The following ZFP1 variants were observed in gnomAD, a reference collection of about 807,000 sequenced individuals.
ZFP1 encodes zinc finger protein 1 homolog.
Under a neutral mutation model 38.5 loss-of-function variants are expected in ZFP1, and 32 were observed. The ratio of observed to expected loss-of-function variants is 0.83; its 90% confidence interval spans 0.63 to 1.12. The LOEUF is 1.12. Among genes scored for constraint, ZFP1 ranks in the 50% most tolerant of loss-of-function variants. The pLI is 0.00. For synonymous variants in ZFP1, 245 were observed against 168.8 expected (o/e 1.45, Z -3.50); for missense variants, 616 against 480.8 (o/e 1.28, Z -2.63).
chr16:75,147,635 T>C (rs1451995615), upstream of ZFP1, among the ~76,000 whole-genome samples: 1 of 152,038 alleles, frequency 6.6e-6, no homozygotes, highest in Non-Finnish European at 1.5e-5. Flanking sequence ...AAATACACTG[T>C]TCTGGTGTGG....
the ZFP1 span, among the ~76,000 whole-genome samples, chr16:75,120,897 T>A: frequency 6.6e-6 from 1 of 152,154 alleles, no homozygotes; most frequent in Non-Finnish European, 1.5e-5. Context: ...AGTGCTGGGA[T>A]TACAGGCATA....
At position 75,169,287 on chromosome 16, in the gene ZFP1, C is replaced by G; in HGVS notation, c.177C>G (p.Asp59Glu). ...AGGCTGATGACCAGATGGAGAGAGA[C>G]CACAGAAACCCAGACGAGCAGGCGA... is the stretch of plus-strand genomic sequence containing the variant. ...VWKADDQMER[D>E]HRNPDEQARQ... Residue 59 changes from aspartate to glutamate, a missense_variant, in exon 4 of 4, where the codon GAC becomes GAG. Coordinates refer to ENST00000570010, the MANE Select transcript of ZFP1 (RefSeq NM_153688.4). 6.2e-7 allele frequency: 1 copy of G among 1,613,478 alleles called. No homozygotes were observed. Among genetic ancestry groups the G allele is most frequent in the South Asian group, 1.1e-5 (1 of 91,008 alleles).
chr16:75,130,781 A>G, the ZFP1 span, among the ~76,000 whole-genome samples: 3,851 of 150,562 alleles, frequency 0.026, 59 homozygotes, highest in Middle Eastern at 0.042. Context: ...TAATACTCAC[A>G]TGAGTAAATC....
chr16:75,135,355 G>A, the ZFP1 span, among the ~76,000 whole-genome samples: 8 of 150,700 alleles, frequency 5.3e-5, no homozygotes, highest in African/African-American at 2.4e-5. Flanking sequence ...AAATAACACA[G>A]AGGAACCTTA....
At chr16:75,164,108 G>A (rs1472106744) in intron 2 of ZFP1, among the ~76,000 whole-genome samples, 3 of 152,170 alleles carry the variant, frequency 2.0e-5, no homozygotes, top group Non-Finnish European at 1.5e-5. Context: ...TGTTCCTGTG[G>A]ACAGCTTCCT....
chr16:75,168,844 G>T (rs1466999993), intron 3 of ZFP1, among the ~76,000 whole-genome samples: 1 of 152,140 alleles, frequency 6.6e-6, no homozygotes, highest in Non-Finnish European at 1.5e-5. Context: ...GATCTGCTTA[G>T]GTGTTTCCCC....
At chr16:75,128,400 T>C in the ZFP1 span, among the ~76,000 whole-genome samples, 47,938 of 152,108 alleles carry the variant, frequency 0.32, 7,759 homozygotes, top group Non-Finnish European at 0.34. Flanking sequence ...ATTTTTGCTG[T>C]AGTGTATACA....
rs1360443599 is a variant in ZFP1, at chr16:75,166,808, C to T, written c.54C>T (p.Thr18=). The T allele has an allele frequency of 1.2e-6, 2 of 1,613,996 alleles. No homozygotes were observed. The highest frequency in any genetic ancestry group is 1.1e-5 in the South Asian group (1 of 91,068). The change falls in exon 3 of 4, where the codon ACC becomes ACT. Residue 18 remains threonine, a synonymous_variant. Transcript: ENST00000570010. The stretch of plus-strand genomic sequence containing the variant: ...TCACGGATGTGACTGTGGACTTTAC[C>T]CAGGAGGAATGGGAACAACTGGACC... ...VSFTDVTVDF[T]QEEWEQLDPS...
the ZFP1 span, among the ~76,000 whole-genome samples, chr16:75,119,132 C>A: frequency 1.3e-5 from 2 of 152,186 alleles, no homozygotes; most frequent in Non-Finnish European, 2.9e-5. Context: ...CTGTGTCACA[C>A]CATCATCATT....
chr16:75,166,117 A>C (rs2038067526), intron 2 of ZFP1, among the ~76,000 whole-genome samples: 1 of 152,168 alleles, frequency 6.6e-6, no homozygotes, highest in Non-Finnish European at 1.5e-5. Flanking sequence ...TAAAGAGTTA[A>C]AACTTTGACT....
At chr16:75,123,481 A>AGGG in the ZFP1 span, among the ~76,000 whole-genome samples, 1 of 124,978 alleles carries the variant, frequency 8.0e-6, no homozygotes, top group South Asian at 2.8e-4. Flanking sequence ...ATATATATAT[A>AGGG]TATATATATA....
chr16:75,134,000 G>A, the ZFP1 span, among the ~76,000 whole-genome samples: 2 of 152,206 alleles, frequency 1.3e-5, no homozygotes, highest in East Asian at 3.9e-4. Flanking sequence ...AGTGAGCCAA[G>A]ATCGTGCCAC....
At chr16:75,147,273 G>A (rs1005000252), upstream of ZFP1, among the ~76,000 whole-genome samples, 1 of 151,960 alleles carries the variant, frequency 6.6e-6, no homozygotes, top group African/African-American at 2.4e-5. Context: ...GACTTTGGGT[G>A]CCAATGATTT....
intron 2 of ZFP1, among the ~76,000 whole-genome samples, chr16:75,164,410 C>CCACAACTTCTAAG (rs2037948887): frequency 6.6e-6 from 1 of 152,178 alleles, no homozygotes; most frequent in African/African-American, 2.4e-5. Context: ...TTTCTTCCTG[C>CCACAACTTCTAAG]CACAACTTCT....
the ZFP1 span, among the ~76,000 whole-genome samples, chr16:75,135,222 A>AAAAAAAAAAAC: frequency 1.3e-5 from 2 of 149,552 alleles, no homozygotes; most frequent in African/African-American, 2.4e-5. Context: ...AAAAAAAAAA[A>AAAAAAAAAAAC]AAAAAAAAAA....
chr16:75,168,591 G>A (rs866708734), intron 3 of ZFP1, among the ~76,000 whole-genome samples: 29 of 152,094 alleles, frequency 1.9e-4, no homozygotes, highest in African/African-American at 6.0e-4. Context: ...TGATCCTGTG[G>A]TAAGGGTTGT....
chr16:75,136,812 A>G, the ZFP1 span, among the ~76,000 whole-genome samples: 1 of 152,154 alleles, frequency 6.6e-6, no homozygotes, highest in East Asian at 1.9e-4. Context: ...TCAAGGCTGC[A>G]GTGAGCTATG....
chr16:75,157,979 G>T lies in ZFP1; in HGVS notation c.15+5013G>T, dbSNP rs2037552745. Among the ~76,000 whole-genome samples, 4 of 151,852 alleles carry T rather than the reference G, an allele frequency of 2.6e-5. No individual in the cohort carries two copies. In the South Asian group the frequency reaches 8.3e-4, roughly 32 times the overall value. Reference sequence around the variant, plus strand: ...GTAGTTTTGTTTTTGGTAGAGATGGGATCTCGCCAGGTTGCCCAGGCTGGT... The same window carrying T: ...GTAGTTTTGTTTTTGGTAGAGATGGTATCTCGCCAGGTTGCCCAGGCTGGT... On this transcript the variant is annotated intron_variant, in intron 2 of 3. Coordinates refer to ENST00000570010, the MANE Select transcript of ZFP1 (RefSeq NM_153688.4).
chr16:75,161,879 G>A (rs981332664), intron 2 of ZFP1, among the ~76,000 whole-genome samples: 1 of 140,180 alleles, frequency 7.1e-6, no homozygotes, highest in African/African-American at 2.7e-5. Context: ...CCACCTCCCA[G>A]GTTCAAGCGA....
Sources: allele counts gnomAD v4.1 joint callset (sites outside exome capture counted in the v4.1 genomes callset), GRCh38; gene constraint gnomAD v4.1.1; transcripts MANE v1.5; gene names NCBI Gene and HGNC (gene_info 2026-07-23, HGNC 2026-07-21).